The following ABCG2 variants were observed in gnomAD, a reference collection of about 807,000 sequenced individuals.
The protein encoded by ABCG2 is ATP binding cassette subfamily G member 2 (JR blood group).
Under a neutral mutation model 73.5 loss-of-function variants are expected in ABCG2, and 80 were observed. That is an observed-to-expected ratio of 1.09 (90% CI 0.91 to 1.31). The LOEUF is 1.31. ABCG2 is among the 50% of genes most tolerant of loss of function. The pLI, the probability that ABCG2 is intolerant of heterozygous loss-of-function variation, is 0.00. For missense variants in ABCG2, 796 were observed against 786.2 expected, an observed-to-expected ratio of 1.01 and a Z score of -0.15; for synonymous variants, 269 against 282.4, an observed-to-expected ratio of 0.95 and a Z score of 0.48.
chr4:88,208,528 C>G (rs1250908056), intron 1 of ABCG2, among the ~76,000 whole-genome samples: 1 of 152,150 alleles, frequency 6.6e-6, no homozygotes, highest in Admixed American at 6.5e-5. Context: ...ATTACAGAGT[C>G]TCAGAAGGAA....
At position 88,210,162 on chromosome 4, in the gene ABCG2, A is replaced by G. The variant is rs189707122; in HGVS notation, c.-20+20832T>C. On this transcript the variant is annotated intron_variant, in intron 1 of 15. Transcript: ENST00000515655. ...TGAATTAGATATAATTAGGTTAAAGATGTCAGTAATGTAAGTAATCCTACA... is the reference window on the plus strand; with the variant it reads ...TGAATTAGATATAATTAGGTTAAAGGTGTCAGTAATGTAAGTAATCCTACA... Among the ~76,000 whole-genome samples the G allele has an allele frequency of 2.7e-3, 401 of 149,672 alleles. 2 individuals carry two copies. Among genetic ancestry groups the G allele is most frequent in the African/African-American group, 8.7e-3 (351 of 40,456 alleles).
At chr4:88,148,753 G>C (rs1157836349) in intron 1 of ABCG2, among the ~76,000 whole-genome samples, 1 of 152,162 alleles carries the variant, frequency 6.6e-6, no homozygotes, top group Non-Finnish European at 1.5e-5. Context: ...ACAGGAAACA[G>C]TATTGTAAAC....
intron 6 of ABCG2, 83 bp downstream of exon 6, chr4:88,121,552 T>G: frequency 1.5e-6 from 2 of 1,325,606 alleles, no homozygotes; most frequent in Non-Finnish European, 2.1e-6. Flanking sequence ...CTTTGATCAT[T>G]TCTGAACCCC....
At chr4:88,155,819 T>C (rs1478342970) in intron 1 of ABCG2, among the ~76,000 whole-genome samples, 1 of 152,062 alleles carries the variant, frequency 6.6e-6, no homozygotes, top group Non-Finnish European at 1.5e-5. Context: ...GGCAGGAGAA[T>C]TGCTTGAACC....
At chr4:88,122,719 G>A (rs1383091811) in intron 5 of ABCG2, among the ~76,000 whole-genome samples, 1 of 152,194 alleles carries the variant, frequency 6.6e-6, no homozygotes, top group Non-Finnish European at 1.5e-5. Flanking sequence ...TGAGGTAAGG[G>A]GAGGCTGTGG....
intron 1 of ABCG2, among the ~76,000 whole-genome samples, chr4:88,204,816 G>A (rs530962108): frequency 6.6e-6 from 1 of 152,348 alleles, no homozygotes; most frequent in East Asian, 1.9e-4. Context: ...AGGATTAATT[G>A]TATTGTTTTG....
At chr4:88,217,342 C>A (rs1197283128) in intron 1 of ABCG2, among the ~76,000 whole-genome samples, 2 of 152,188 alleles carry the variant, frequency 1.3e-5, no homozygotes, top group South Asian at 2.1e-4. Context: ...TACCTTAAAC[C>A]AGCAGTCAAT....
Position 88,209,688 on chromosome 4 carries a change from A to G in ABCG2, c.-20+21306T>C, listed in dbSNP as rs570250263. On this transcript the variant is annotated intron_variant, in intron 1 of 15. Transcript: ENST00000515655. ...AAAAACAAAAAACAAAACAAAAACA[A>G]AAAACAAAGTTCATACCTCTTTCTA... 1.1e-4 allele frequency among the ~76,000 whole-genome samples: 16 copies of G among 152,240 alleles called. No homozygotes were observed. The East Asian group carries it at 3.1e-3, about 29-fold the overall frequency.
chr4:88,162,639 T>C (rs1466629076), upstream of ABCG2, among the ~76,000 whole-genome samples: 2 of 152,206 alleles, frequency 1.3e-5, no homozygotes. Context: ...TATAAATGTA[T>C]TGCACTGTAT....
intron 9 of ABCG2, among the ~76,000 whole-genome samples, chr4:88,110,632 T>C (rs535626238): frequency 9.8e-5 from 15 of 152,290 alleles, no homozygotes; most frequent in African/African-American, 3.1e-4. Flanking sequence ...CCCAAAGTGC[T>C]GGGGTTATAG....
At chr4:88,222,109 C>T (rs959900052) in intron 1 of ABCG2, among the ~76,000 whole-genome samples, 3 of 152,206 alleles carry the variant, frequency 2.0e-5, no homozygotes, top group South Asian at 2.1e-4. Flanking sequence ...GCTAAAGGGG[C>T]CAACGTATAG....
At chr4:88,171,368 A>T in intron 1 of ABCG2, among the ~76,000 whole-genome samples, 1 of 150,908 alleles carries the variant, frequency 6.6e-6, no homozygotes, top group Admixed American at 6.6e-5. Context: ...TTTAAAAAAA[A>T]AATGATTGAA....
At chr4:88,190,443 G>T (rs1260235573) in intron 1 of ABCG2, among the ~76,000 whole-genome samples, 2 of 152,138 alleles carry the variant, frequency 1.3e-5, no homozygotes, top group Admixed American at 1.3e-4. Context: ...AACTATCCAG[G>T]AGTCTATTTA....
At chr4:88,144,402 T>C (rs568474706) in intron 1 of ABCG2, among the ~76,000 whole-genome samples, 5 of 151,752 alleles carry the variant, frequency 3.3e-5, no homozygotes, top group African/African-American at 9.7e-5. Context: ...ATGTCATTCA[T>C]ACCTCGCCTT....
chr4:88,137,601 G>A lies in ABCG2; in HGVS notation c.203+2192C>T, dbSNP rs576458462. 3.8e-4 allele frequency among the ~76,000 whole-genome samples: 58 copies of A among 152,242 alleles called. 3 individuals carry two copies. In the South Asian group the frequency reaches 0.01, roughly 27 times the overall value. ...ACCCAAGGCCCTGAGGACCTACCACGACCTTCATTACAAGGCTACATTTCC... is the reference window on the plus strand; with the variant it reads ...ACCCAAGGCCCTGAGGACCTACCACAACCTTCATTACAAGGCTACATTTCC... On this transcript the variant is annotated intron_variant, in intron 2 of 15. Coordinates refer to ENST00000237612, the MANE Select transcript of ABCG2 (RefSeq NM_004827.3).
chr4:88,116,921 G>C (rs969596902), intron 7 of ABCG2, among the ~76,000 whole-genome samples: 3 of 151,994 alleles, frequency 2.0e-5, no homozygotes, highest in Non-Finnish European at 4.4e-5. Flanking sequence ...AAAGAACCAT[G>C]CTGTCCAAGA....
In ABCG2 at chr4:88,121,802, A is replaced by AAAT; in HGVS notation, c.532-13_532-11dup. Reference sequence around the variant, plus strand: ...TAAACTGAGTTCCAACCTAAATCACAAATATTATAATTGTCAATGATAACA... The same window carrying AAAT: ...TAAACTGAGTTCCAACCTAAATCACAAATAATATTATAATTGTCAATGATAACA... On this transcript the variant is annotated splice_polypyrimidine_tract_variant and intron_variant, in intron 5 of 15. Transcript: ENST00000237612. The AAAT allele has an allele frequency of 6.2e-7, 1 of 1,611,476 alleles. No homozygotes were observed. Among genetic ancestry groups the AAAT allele is most frequent in the Non-Finnish European group, 8.5e-7 (1 of 1,178,962 alleles).
chr4:88,157,185 G>C (rs923798098), intron 1 of ABCG2, among the ~76,000 whole-genome samples: 1 of 152,066 alleles, frequency 6.6e-6, no homozygotes, highest in African/African-American at 2.4e-5. Flanking sequence ...CCAAAATGCA[G>C]AACATTCATC....
chr4:88,098,777 A>G (rs1180297258), intron 12 of ABCG2, among the ~76,000 whole-genome samples: 1 of 152,158 alleles, frequency 6.6e-6, no homozygotes, highest in African/African-American at 2.4e-5. Context: ...TTTGTGTATA[A>G]CACAAGCATC....
Sources: gnomAD v4.1 joint callset for allele counts (sites outside exome capture counted in the v4.1 genomes callset) on GRCh38, gnomAD v4.1.1 for gene constraint, MANE v1.5 for transcripts, NCBI Gene and HGNC (gene_info 2026-07-23, HGNC 2026-07-21) for gene names.